The following DENND1A variants were observed in gnomAD, a reference collection of about 807,000 sequenced individuals.
DENND1A encodes DENN domain containing 1A.
Under a neutral mutation model 113.7 loss-of-function variants are expected in DENND1A, and 51 were observed. The ratio of observed to expected loss-of-function variants is 0.45; its 90% CI spans 0.36 to 0.57. DENND1A has a LOEUF of 0.57. Ranked by LOEUF, DENND1A falls within the 20% of genes least tolerant of loss-of-function variation. The pLI, the probability that DENND1A is intolerant of heterozygous loss-of-function variation, is 0.00. For synonymous variants in DENND1A, 565 were observed against 570.8 expected (o/e 0.99, Z 0.14); for missense variants, 1,258 against 1,395.9 (o/e 0.90, Z 1.57).
intron 10 of DENND1A, among the ~76,000 whole-genome samples, chr9:123,615,223 T>C (rs1010762283): frequency 1.8e-4 from 28 of 152,218 alleles, no homozygotes; most frequent in Admixed American, 1.8e-3. Flanking sequence ...ATTCTCACCA[T>C]AGCAGCATAA....
chr9:123,457,710 G>T, intron 14 of DENND1A, 83 bp downstream of exon 14: 1 of 1,329,146 alleles, frequency 7.5e-7, no homozygotes, highest in South Asian at 1.3e-5. Context: ...ATCCATGCCT[G>T]CGGCCTCAGT....
chr9:123,555,748 T>C (rs1294886923), intron 13 of DENND1A, among the ~76,000 whole-genome samples: 1 of 152,180 alleles, frequency 6.6e-6, no homozygotes, highest in African/African-American at 2.4e-5. Flanking sequence ...TGTCCTTAAA[T>C]CCAGTGCCTT....
At chr9:123,715,077 G>A (rs2066883487) in intron 5 of DENND1A, among the ~76,000 whole-genome samples, 1 of 151,998 alleles carries the variant, frequency 6.6e-6, no homozygotes, top group Admixed American at 6.6e-5. Context: ...CAGCTACTTA[G>A]GAGGCTGAGA....
chr9:123,643,638 C>T (rs2062145815), intron 9 of DENND1A, among the ~76,000 whole-genome samples: 1 of 152,162 alleles, frequency 6.6e-6, no homozygotes, highest in African/African-American at 2.4e-5. Flanking sequence ...GAAGATACGC[C>T]CCAGGGCTCC....
intron 13 of DENND1A, among the ~76,000 whole-genome samples, chr9:123,516,246 G>C (rs2053902030): frequency 6.6e-6 from 1 of 152,032 alleles, no homozygotes; most frequent in African/African-American, 2.4e-5. Flanking sequence ...GGTACATGGG[G>C]GGTGTGTACT....
chr9:123,409,820 G>A (rs758718077), intron 20 of DENND1A, among the ~76,000 whole-genome samples: 15 of 152,146 alleles, frequency 9.9e-5, no homozygotes, highest in African/African-American at 1.4e-4. Flanking sequence ...GGCCGGGTGC[G>A]GTGGCTCACG....
At chr9:123,900,151 T>C (rs575410064) in intron 1 of DENND1A, among the ~76,000 whole-genome samples, 9 of 152,312 alleles carry the variant, frequency 5.9e-5, no homozygotes, top group African/African-American at 2.2e-4. Flanking sequence ...GCCACATGAT[T>C]TGGGGATTAT....
At chr9:123,545,542 C>T (rs2056609337) in intron 13 of DENND1A, among the ~76,000 whole-genome samples, 1 of 151,998 alleles carries the variant, frequency 6.6e-6, no homozygotes, top group African/African-American at 2.4e-5. Context: ...TCTCAGCTCA[C>T]TGCAAGCTCC....
At chr9:123,594,733 G>A (rs1370702902) in intron 11 of DENND1A, among the ~76,000 whole-genome samples, 1 of 152,136 alleles carries the variant, frequency 6.6e-6, no homozygotes, top group Non-Finnish European at 1.5e-5. Context: ...ATCAGAGAAA[G>A]GATTTGAATC....
intron 8 of DENND1A, among the ~76,000 whole-genome samples, chr9:123,663,901 C>A (rs928843981): frequency 6.6e-6 from 1 of 151,320 alleles, no homozygotes; most frequent in Non-Finnish European, 1.5e-5. Flanking sequence ...TATTACTCAA[C>A]CCCCAGTGTA....
intron 11 of DENND1A, among the ~76,000 whole-genome samples, chr9:123,607,672 C>A (rs1468539457): frequency 6.7e-6 from 1 of 149,978 alleles, no homozygotes; most frequent in South Asian, 2.2e-4. Flanking sequence ...GGACCTGAAG[C>A]TCAGAGAGAG....
At chr9:123,389,809 A>G (rs1410541964) in intron 21 of DENND1A, among the ~76,000 whole-genome samples, 1 of 152,182 alleles carries the variant, frequency 6.6e-6, no homozygotes, top group Non-Finnish European at 1.5e-5. Flanking sequence ...TGAGCAGGTG[A>G]GGGGCAGAGG....
At chr9:123,734,865 G>A (rs1008296714) in intron 5 of DENND1A, among the ~76,000 whole-genome samples, 16 of 152,090 alleles carry the variant, frequency 1.1e-4, no homozygotes, top group East Asian at 1.9e-4. Flanking sequence ...AAAAAAAGCC[G>A]TGTTAGCTTT....
chr9:123,538,745 T>C lies in DENND1A; in HGVS notation c.993+18825A>G, dbSNP rs1382863054. Reference sequence around the variant, plus strand: ...TTGAAATCCACCAGGCAATTATGTGTGTGAGTGTGTGTGTGTGTGTGTGTG... The same window carrying C: ...TTGAAATCCACCAGGCAATTATGTGCGTGAGTGTGTGTGTGTGTGTGTGTG... On this transcript the variant is annotated intron_variant, in intron 13 of 23. Transcript: ENST00000394215. Among the ~76,000 whole-genome samples the C allele has an allele frequency of 6.7e-5, 8 of 119,518 alleles. No individual in the cohort carries two copies. In the East Asian group the frequency reaches 9.2e-4, roughly 14 times the overall value. 78.4% of individuals were successfully genotyped at this position (119,518 alleles called of 152,430 possible). A position where few individuals can be genotyped will look rare whatever the true frequency, so the allele number is the denominator to read the frequency against.
chr9:123,795,455 C>T (rs1325870682), intron 2 of DENND1A, among the ~76,000 whole-genome samples: 1 of 152,186 alleles, frequency 6.6e-6, no homozygotes, highest in Non-Finnish European at 1.5e-5. Context: ...CAACACAACA[C>T]CCGCCTTACT....
At chr9:123,806,286 C>T (rs752348345) in intron 2 of DENND1A, among the ~76,000 whole-genome samples, 10 of 151,664 alleles carry the variant, frequency 6.6e-5, no homozygotes, top group Admixed American at 1.3e-4. Context: ...GACAGAGTCT[C>T]GCTCTGTCAC....
intron 13 of DENND1A, among the ~76,000 whole-genome samples, chr9:123,458,529 G>A (rs1225980400): frequency 6.6e-6 from 1 of 152,098 alleles, no homozygotes; most frequent in Non-Finnish European, 1.5e-5. Flanking sequence ...CCAACAGTCA[G>A]ATTCTACACC....
At chr9:123,581,865 G>A (rs2058915877) in intron 12 of DENND1A, among the ~76,000 whole-genome samples, 1 of 152,128 alleles carries the variant, frequency 6.6e-6, no homozygotes, top group Non-Finnish European at 1.5e-5. Context: ...GAGCTACGGA[G>A]GCCAAAGCAG....
intron 4 of DENND1A, among the ~76,000 whole-genome samples, chr9:123,760,084 A>T (rs1198971867): frequency 6.6e-6 from 1 of 152,238 alleles, no homozygotes; most frequent in Non-Finnish European, 1.5e-5. Flanking sequence ...TTCAACACTG[A>T]GTTATTCAAA....
Sources: allele counts gnomAD v4.1 joint callset (sites outside exome capture counted in the v4.1 genomes callset), GRCh38; gene constraint gnomAD v4.1.1; transcripts MANE v1.5; gene names NCBI Gene and HGNC (gene_info 2026-07-23, HGNC 2026-07-21).